Variants in ST6GALNAC5 observed in about 807,000 individuals in gnomAD.
The protein encoded by ST6GALNAC5 is ST6 N-acetylgalactosaminide alpha-2,6-sialyltransferase 5.
Under a neutral mutation model 33.6 loss-of-function variants are expected in ST6GALNAC5, and 27 were observed. That is an observed-to-expected ratio of 0.80 (90% CI 0.59 to 1.11). ST6GALNAC5 has a LOEUF of 1.11. Ranked by LOEUF, ST6GALNAC5 falls within the 50% of genes least tolerant of loss-of-function variation. The pLI is 0.00. For synonymous variants in ST6GALNAC5, 194 were observed against 171.2 expected (o/e 1.13, Z -1.04); for missense variants, 428 against 454.0 (o/e 0.94, Z 0.52).
At position 76,868,607 on chromosome 1, in the gene ST6GALNAC5, GCAGCAGCAA is replaced by G; in HGVS notation, c.135_143del (p.Gln47_Gln49del). 6.2e-7 allele frequency: 1 copy of G among 1,611,448 alleles called. No individual in the cohort carries two copies. The highest frequency in any genetic ancestry group is 1.1e-5 in the South Asian group (1 of 91,026). On this transcript the variant is annotated inframe_deletion, in exon 2 of 5. Coordinates refer to ENST00000477717, the MANE Select transcript of ST6GALNAC5 (RefSeq NM_030965.3). The surrounding 1 kb of genome is among the most constrained non-coding windows in gnomAD (Gnocchi z 4.3). ...AGCGGCCCCCGCAGCAGCAGCAGCA[GCAGCAGCAA>G]CAGCAGCAGCAGGCGTCGGCCACCG... is the stretch of plus-strand genomic sequence containing the variant.
chr1:76,994,633 T>C (rs1367566480), intron 2 of ST6GALNAC5, among the ~76,000 whole-genome samples: 1 of 152,116 alleles, frequency 6.6e-6, no homozygotes, highest in African/African-American at 2.4e-5. Flanking sequence ...TTTTAGAAAT[T>C]AGAGTGTCAT....
At chr1:77,059,290 G>A (rs1652498229) in intron 4 of ST6GALNAC5, among the ~76,000 whole-genome samples, 1 of 152,120 alleles carries the variant, frequency 6.6e-6, no homozygotes. Flanking sequence ...CTCCAAGAAC[G>A]AATCCAGGTT....
intron 2 of ST6GALNAC5, among the ~76,000 whole-genome samples, chr1:76,958,692 C>G (rs76242482): frequency 0.021 from 3,208 of 152,180 alleles, 50 homozygotes; most frequent in Middle Eastern, 0.044. Context: ...TCTTCCTGAA[C>G]AACCCTTAAT....
At chr1:76,977,318 TATC>T (rs1395171730) in intron 2 of ST6GALNAC5, among the ~76,000 whole-genome samples, 1 of 152,172 alleles carries the variant, frequency 6.6e-6, no homozygotes, top group Middle Eastern at 3.2e-3. Context: ...TTTGTGGAAA[TATC>T]ATACAAAATC....
chr1:76,879,688 T>A (rs148384939), intron 2 of ST6GALNAC5, among the ~76,000 whole-genome samples: 25 of 152,242 alleles, frequency 1.6e-4, no homozygotes, highest in African/African-American at 6.0e-4. Flanking sequence ...AGGGTTTATG[T>A]CCTCAGACAG....
At chr1:76,922,224 CA>C (rs1361477652) in intron 2 of ST6GALNAC5, among the ~76,000 whole-genome samples, 12 of 152,192 alleles carry the variant, frequency 7.9e-5, no homozygotes, top group Non-Finnish European at 1.5e-4. Context: ...CTACGATGAA[CA>C]TGTGGAAATA....
chr1:77,016,760 A>G (rs890658111), intron 2 of ST6GALNAC5, among the ~76,000 whole-genome samples: 1 of 152,196 alleles, frequency 6.6e-6, no homozygotes, highest in African/African-American at 2.4e-5. Flanking sequence ...TGGAGAAAAT[A>G]ACATGGTTCT....
intron 2 of ST6GALNAC5, among the ~76,000 whole-genome samples, chr1:76,958,601 T>A (rs903872415): frequency 2.6e-5 from 4 of 152,054 alleles, no homozygotes; most frequent in Non-Finnish European, 5.9e-5. Context: ...ACAGTGAAGT[T>A]TTTTGTTGTT....
chr1:76,920,927 A>G (rs376327217), intron 2 of ST6GALNAC5, among the ~76,000 whole-genome samples: 44 of 152,318 alleles, frequency 2.9e-4, no homozygotes, highest in South Asian at 2.7e-3. Context: ...ACCATCATTT[A>G]GTCATACTTA....
intron 2 of ST6GALNAC5, among the ~76,000 whole-genome samples, chr1:76,883,091 C>G (rs1414498317): frequency 6.6e-6 from 1 of 152,196 alleles, no homozygotes; most frequent in Non-Finnish European, 1.5e-5. Flanking sequence ...TTCAGTCAAT[C>G]ACATATTGAC....
chr1:77,005,310 C>A (rs1369241809), intron 2 of ST6GALNAC5, among the ~76,000 whole-genome samples: 1 of 152,208 alleles, frequency 6.6e-6, no homozygotes, highest in African/African-American at 2.4e-5. Context: ...CTGACCCTTG[C>A]GCTTCCCAAG....
intron 2 of ST6GALNAC5, among the ~76,000 whole-genome samples, chr1:76,946,265 C>T (rs932818482): frequency 6.6e-6 from 1 of 152,094 alleles, no homozygotes; most frequent in Non-Finnish European, 1.5e-5. Context: ...TCATTTCTGA[C>T]CTCGTTCCCA....
rs549535207 is a variant in ST6GALNAC5, at chr1:76,970,333, C to T, written c.262-73871C>T. 4.6e-5 allele frequency among the ~76,000 whole-genome samples: 7 copies of T among 151,812 alleles called. No homozygotes were observed. The South Asian group carries it at 1.3e-3, about 27-fold the overall frequency. On this transcript the variant is annotated intron_variant, in intron 2 of 4. Transcript: ENST00000477717. ...AAAAAGATTAGATGAATGGCTAACT[C>T]GAATAAACAGTGTAGAGAAGACCTT... is the stretch of plus-strand genomic sequence containing the variant.
chr1:76,885,205 A>G (rs1218934547), intron 2 of ST6GALNAC5, among the ~76,000 whole-genome samples: 1 of 152,194 alleles, frequency 6.6e-6, no homozygotes, highest in African/African-American at 2.4e-5. Context: ...CTCTGGAAAG[A>G]GTTTCCTCGC....
intron 2 of ST6GALNAC5, among the ~76,000 whole-genome samples, chr1:76,884,993 A>T (rs1344481152): frequency 6.6e-6 from 1 of 152,146 alleles, no homozygotes; most frequent in Non-Finnish European, 1.5e-5. Context: ...GACTGGTCTG[A>T]CAAGTAAAAG....
intron 2 of ST6GALNAC5, among the ~76,000 whole-genome samples, chr1:76,958,477 A>G (rs1648094143): frequency 6.6e-6 from 1 of 152,028 alleles, no homozygotes; most frequent in South Asian, 2.1e-4. Context: ...TTCATGTTTT[A>G]ATTATCTTGC....
At chr1:76,914,024 T>A (rs1174774820) in intron 2 of ST6GALNAC5, among the ~76,000 whole-genome samples, 1 of 152,130 alleles carries the variant, frequency 6.6e-6, no homozygotes, top group Non-Finnish European at 1.5e-5. Flanking sequence ...TGTACAAAAA[T>A]CACAAGCATT....
At chr1:77,055,644 C>G (rs1454461287) in intron 4 of ST6GALNAC5, among the ~76,000 whole-genome samples, 1 of 152,162 alleles carries the variant, frequency 6.6e-6, no homozygotes, top group African/African-American at 2.4e-5. Flanking sequence ...TTCATTGTTT[C>G]AGATACAGTG....
rs1377027199 is a variant in ST6GALNAC5, at chr1:76,868,308, C to G, written c.16-189C>G. Among the ~76,000 whole-genome samples, 1 of 152,144 alleles carries G rather than the reference C, an allele frequency of 6.6e-6. No homozygotes were observed. Among genetic ancestry groups the G allele is most frequent in the East Asian group, 2.0e-4 (1 of 5,100 alleles). The stretch of plus-strand genomic sequence containing the variant: ...CGGCGGCCGAAAGCAGCGACGCGCC[C>G]GGAGCATCCCTTGCGATACGCTAGG... On this transcript the variant is annotated intron_variant, in intron 1 of 4. Transcript: ENST00000477717. This position sits in a 1 kb window ranked among gnomAD's most constrained non-coding sequence, Gnocchi z 4.3.
Sources: allele counts gnomAD v4.1 joint callset (sites outside exome capture counted in the v4.1 genomes callset), GRCh38; gene constraint gnomAD v4.1.1; non-coding constraint Gnocchi (gnomAD v3.1); transcripts MANE v1.5; gene names NCBI Gene and HGNC (gene_info 2026-07-23, HGNC 2026-07-21).